Variants in CNTN5 observed in about 807,000 individuals in gnomAD.
The protein encoded by CNTN5 is contactin-5.
A neutral mutation model predicts 129.1 loss-of-function variants in CNTN5; 77 were observed. The observed-to-expected ratio is 0.60, with a 90% CI of 0.50 to 0.72. The LOEUF is 0.72. Among genes scored for constraint, CNTN5 ranks in the 30% least tolerant of loss-of-function variants. The pLI is 0.00. For synonymous variants in CNTN5, 509 were observed against 465.6 expected (o/e 1.09, Z -1.20); for missense variants, 1,478 against 1,328.8 (o/e 1.11, Z -1.75).
At chr11:99,619,604 A>T (rs1026800841) in intron 3 of CNTN5, among the ~76,000 whole-genome samples, 1 of 152,196 alleles carries the variant, frequency 6.6e-6, no homozygotes, top group African/African-American at 2.4e-5. Context: ...ATTTAAATAC[A>T]TTACTCAAAA....
intron 1 of CNTN5, among the ~76,000 whole-genome samples, chr11:99,250,906 C>T (rs762077025): frequency 7.9e-5 from 12 of 151,822 alleles, no homozygotes; most frequent in Non-Finnish European, 1.5e-4. Context: ...TCTGAAGAAA[C>T]AGAATTTGAG....
chr11:99,404,412 T>C lies in CNTN5; in HGVS notation c.-71+78928T>C, dbSNP rs1941978003. 1.3e-5 allele frequency among the ~76,000 whole-genome samples: 2 copies of C among 152,106 alleles called. 1 individual carries two copies. ...TGTTTTTTGTTTTCTGGTTGTTTTG[T>C]GGTCTTCTCTTTTTTTGTTCTTTGT... is the stretch of plus-strand genomic sequence containing the variant. On this transcript the variant is annotated intron_variant, in intron 2 of 24. Coordinates refer to ENST00000524871, the MANE Select transcript of CNTN5 (RefSeq NM_014361.4).
At chr11:99,225,201 C>T (rs1860615807) in intron 1 of CNTN5, among the ~76,000 whole-genome samples, 1 of 151,922 alleles carries the variant, frequency 6.6e-6, no homozygotes. Flanking sequence ...GCAGAAGAAC[C>T]TGAGTTGGAA....
chr11:100,151,581 A>G (rs1947059349), intron 13 of CNTN5, among the ~76,000 whole-genome samples: 1 of 152,148 alleles, frequency 6.6e-6, no homozygotes, highest in African/African-American at 2.4e-5. Context: ...ATCGACTTAT[A>G]GGTTTCCCTA....
At chr11:100,229,479 G>A (rs987243517) in intron 16 of CNTN5, among the ~76,000 whole-genome samples, 1 of 151,706 alleles carries the variant, frequency 6.6e-6, no homozygotes, top group African/African-American at 2.4e-5. Context: ...AACTAATTTA[G>A]GAATCTTTGA....
intron 13 of CNTN5, among the ~76,000 whole-genome samples, chr11:100,108,419 G>A (rs535419963): frequency 3.3e-5 from 5 of 152,252 alleles, no homozygotes; most frequent in African/African-American, 4.8e-5. Context: ...GGTGGATGGC[G>A]TGGGGAAGGA....
intron 1 of CNTN5, among the ~76,000 whole-genome samples, chr11:99,174,537 A>G (rs2135548777): frequency 6.6e-6 from 1 of 151,598 alleles, no homozygotes; most frequent in Middle Eastern, 3.4e-3. Flanking sequence ...AGTGTTAAAA[A>G]CTCTTTATCA....
At chr11:99,769,000 C>T (rs1025269643) in intron 3 of CNTN5, among the ~76,000 whole-genome samples, 2 of 151,220 alleles carry the variant, frequency 1.3e-5, no homozygotes, top group Non-Finnish European at 3.0e-5. Context: ...TATGACCTGG[C>T]ATTCCTCTGT....
At chr11:99,857,022 CTATCTCTA>C (rs1948058757) in intron 6 of CNTN5, among the ~76,000 whole-genome samples, 13 of 147,394 alleles carry the variant, frequency 8.8e-5, no homozygotes, top group Admixed American at 2.8e-4. Context: ...CTCTCTCTAT[CTATCTCTA>C]TCTCCCTCTC....
intron 2 of CNTN5, among the ~76,000 whole-genome samples, chr11:99,529,442 T>A (rs1409292813): frequency 6.6e-6 from 1 of 152,178 alleles, no homozygotes; most frequent in African/African-American, 2.4e-5. Context: ...CAGTTACACT[T>A]AACATGAAAC....
intron 1 of CNTN5, among the ~76,000 whole-genome samples, chr11:99,169,759 G>A (rs943542659): frequency 5.9e-5 from 9 of 151,924 alleles, no homozygotes; most frequent in East Asian, 1.9e-4. Flanking sequence ...CACTTTAGTC[G>A]GTGAAAAACA....
intron 6 of CNTN5, among the ~76,000 whole-genome samples, chr11:99,851,059 C>G (rs530927606): frequency 6.7e-6 from 1 of 150,220 alleles, no homozygotes; most frequent in East Asian, 2.0e-4. Flanking sequence ...ACAGATTTAG[C>G]AGCTGCTCTG....
intron 1 of CNTN5, among the ~76,000 whole-genome samples, chr11:99,060,115 G>A (rs1238798917): frequency 1.3e-5 from 2 of 151,998 alleles, no homozygotes; most frequent in East Asian, 1.9e-4. Flanking sequence ...GTGAAAGAGA[G>A]GAGATCAGTT....
intron 1 of CNTN5, among the ~76,000 whole-genome samples, chr11:99,146,028 GTAAGTT>G (rs1859767694): frequency 6.6e-6 from 1 of 151,930 alleles, no homozygotes; most frequent in African/African-American, 2.4e-5. Context: ...GGTACACAGT[GTAAGTT>G]TATTTTACAT....
At chr11:99,666,667 G>A (rs1181695681) in intron 3 of CNTN5, among the ~76,000 whole-genome samples, 1 of 152,128 alleles carries the variant, frequency 6.6e-6, no homozygotes, top group Non-Finnish European at 1.5e-5. Context: ...CAATGGCATG[G>A]ATGTGTCATC....
chr11:100,145,598 G>A (rs1406861452), intron 13 of CNTN5, among the ~76,000 whole-genome samples: 1 of 152,126 alleles, frequency 6.6e-6, no homozygotes, highest in Non-Finnish European at 1.5e-5. Flanking sequence ...ACTTGTATTT[G>A]CAAAGTGCTT....
At position 99,414,413 on chromosome 11, in the gene CNTN5, C is replaced by T. The variant is rs529245762; in HGVS notation, c.-71+88929C>T. 2.6e-5 allele frequency among the ~76,000 whole-genome samples: 4 copies of T among 151,966 alleles called. No individual in the cohort carries two copies. The South Asian group carries it at 8.3e-4, about 32-fold the overall frequency. ...TGAGTGCCAGAAACTCTTTTAAGCACTATGACCTGGAGATACAGCAGAAAA... is the reference window on the plus strand; with the variant it reads ...TGAGTGCCAGAAACTCTTTTAAGCATTATGACCTGGAGATACAGCAGAAAA... On this transcript the variant is annotated intron_variant, in intron 2 of 24. Transcript: ENST00000524871.
At chr11:99,360,433 A>T (rs1177159737) in intron 2 of CNTN5, among the ~76,000 whole-genome samples, 2 of 152,130 alleles carry the variant, frequency 1.3e-5, no homozygotes, top group Non-Finnish European at 1.5e-5. Flanking sequence ...ATGGCTCTCC[A>T]GTGAGTCCTT....
At chr11:99,576,756 T>C (rs1248909147) in intron 3 of CNTN5, among the ~76,000 whole-genome samples, 1 of 152,174 alleles carries the variant, frequency 6.6e-6, no homozygotes, top group African/African-American at 2.4e-5. Flanking sequence ...GATGGTGCCT[T>C]CTCAGTGTAC....
Sources: allele counts gnomAD v4.1 joint callset (sites outside exome capture counted in the v4.1 genomes callset), GRCh38; gene constraint gnomAD v4.1.1; transcripts MANE v1.5; gene names NCBI Gene and HGNC (gene_info 2026-07-23, HGNC 2026-07-21).